MSRB3: variants seen among roughly 807,000 people sequenced by gnomAD.
MSRB3 encodes the protein methionine sulfoxide reductase B3.
Under a neutral mutation model 21.0 loss-of-function variants are expected in MSRB3, and 13 were observed. The observed-to-expected ratio is 0.62, with a 90% confidence interval of 0.40 to 0.98. The LOEUF (loss-of-function observed/expected upper bound fraction) is 0.98, where lower values mean the gene tolerates loss of function less well. Ranked by LOEUF, MSRB3 falls within the 50% of genes least tolerant of loss-of-function variation. The probability of loss-of-function intolerance (pLI) is 0.00; values close to 1 mark genes in which losing one functional copy is unlikely to be tolerated. For missense variants in MSRB3, 199 were observed against 230.3 expected, an observed-to-expected ratio of 0.86 and a Z score of 0.88; for synonymous variants, 87 against 88.6, an observed-to-expected ratio of 0.98 and a Z score of 0.10.
chr12:65,328,411 C>A, intron 3 of MSRB3, 115 bp from the exon 4 acceptor site: 1 of 730,050 alleles, frequency 1.4e-6, no homozygotes, highest in Non-Finnish European at 2.4e-6. Context: ...GGTTTGTTTT[C>A]ATTCTAGTAC....
At chr12:65,386,904 C>T (rs1879221648) in intron 5 of MSRB3, among the ~76,000 whole-genome samples, 1 of 151,940 alleles carries the variant, frequency 6.6e-6, no homozygotes, top group African/African-American at 2.4e-5. Context: ...GTAGCAAAGA[C>T]CTTTCATGTC....
At chr12:65,293,922 GT>G (rs1339821303) in intron 1 of MSRB3, among the ~76,000 whole-genome samples, 1 of 152,194 alleles carries the variant, frequency 6.6e-6, no homozygotes, top group African/African-American at 2.4e-5. Flanking sequence ...AAAAGTTTCA[GT>G]TTTCTGTAGG....
intron 4 of MSRB3, among the ~76,000 whole-genome samples, chr12:65,342,926 A>G (rs1876238147): frequency 6.6e-6 from 1 of 152,116 alleles, no homozygotes; most frequent in Non-Finnish European, 1.5e-5. Context: ...GTTTTGTACC[A>G]AATGTTAACA....
chr12:65,302,552 TTGAG>T (rs1449387348), intron 1 of MSRB3, among the ~76,000 whole-genome samples: 2 of 151,628 alleles, frequency 1.3e-5, no homozygotes, highest in Admixed American at 6.6e-5. Context: ...TATAGATGAA[TTGAG>T]TAAGTTAAAA....
At chr12:65,368,727 C>T (rs546910047) in intron 4 of MSRB3, among the ~76,000 whole-genome samples, 1 of 152,222 alleles carries the variant, frequency 6.6e-6, no homozygotes, top group East Asian at 1.9e-4. Context: ...TTTTAAAAAA[C>T]CGTATTGTAT....
At chr12:65,316,369 TG>T (rs1447995970) in intron 2 of MSRB3, 6 of 152,030 alleles carry the variant, frequency 3.9e-5, no homozygotes, top group Non-Finnish European at 5.9e-5. Flanking sequence ...GAAAAAAAGA[TG>T]GGGGTGGAAG....
chr12:65,379,291 A>G (rs1426261893), intron 5 of MSRB3, among the ~76,000 whole-genome samples: 2 of 152,156 alleles, frequency 1.3e-5, no homozygotes, highest in African/African-American at 4.8e-5. Flanking sequence ...ATATACTGCA[A>G]ATTCATTGCC....
At position 65,349,838 on chromosome 12, in the gene MSRB3, A is replaced by G. The variant is rs1170199246; in HGVS notation, c.264-19160A>G. On this transcript the variant is annotated intron_variant, in intron 4 of 6. Transcript: ENST00000308259. ...TTTGTCAGATAAGTAGGTTGCAAAAATTTTCTCCCGTTTTGTAGGTTGACT... is the reference window on the plus strand; with the variant it reads ...TTTGTCAGATAAGTAGGTTGCAAAAGTTTTCTCCCGTTTTGTAGGTTGACT... Among the ~76,000 whole-genome samples, 7 of 151,336 alleles carry G rather than the reference A, an allele frequency of 4.6e-5. No homozygotes were observed. The South Asian group carries it at 1.5e-3, about 32-fold the overall frequency.
intron 1 of MSRB3, chr12:65,279,346 C>T (rs1871864331): frequency 6.5e-6 from 1 of 152,752 alleles, no homozygotes; most frequent in African/African-American, 2.4e-5. Context: ...TCGCCGCGCG[C>T]CTCGGAGAGG....
At chr12:65,403,366 C>T (rs1020506196) in intron 5 of MSRB3, among the ~76,000 whole-genome samples, 5 of 152,192 alleles carry the variant, frequency 3.3e-5, no homozygotes, top group African/African-American at 1.2e-4. Flanking sequence ...GCGGTGGGCT[C>T]TGCCAAGTTT....
intron 1 of MSRB3, among the ~76,000 whole-genome samples, chr12:65,282,947 C>T (rs1211869947): frequency 6.6e-6 from 1 of 152,038 alleles, no homozygotes; most frequent in African/African-American, 2.4e-5. Context: ...GGTTATAGTC[C>T]TTAAAATGAA....
At chr12:65,325,134 T>C (rs1193269216) in intron 2 of MSRB3, among the ~76,000 whole-genome samples, 1 of 152,206 alleles carries the variant, frequency 6.6e-6, no homozygotes, top group Non-Finnish European at 1.5e-5. Context: ...CCTATCACTG[T>C]TGACTGATTA....
intron 5 of MSRB3, among the ~76,000 whole-genome samples, chr12:65,391,508 A>G (rs1879479746): frequency 6.6e-6 from 1 of 152,142 alleles, no homozygotes; most frequent in African/African-American, 2.4e-5. Flanking sequence ...TGTAGACTGA[A>G]ACTTATTATG....
intron 5 of MSRB3, among the ~76,000 whole-genome samples, chr12:65,372,297 C>A (rs1346890863): frequency 1.3e-5 from 2 of 152,150 alleles, no homozygotes; most frequent in African/African-American, 2.4e-5. Flanking sequence ...TAATTCTGAC[C>A]TGAGAACTCC....
At chr12:65,399,441 CA>C (rs1372513392) in intron 5 of MSRB3, among the ~76,000 whole-genome samples, 1 of 152,078 alleles carries the variant, frequency 6.6e-6, no homozygotes, top group Non-Finnish European at 1.5e-5. Context: ...GTGATTTTTG[CA>C]CATTGATTTT....
chr12:65,446,687 T>A (rs1389201830), intron 5 of MSRB3, among the ~76,000 whole-genome samples: 1 of 150,548 alleles, frequency 6.6e-6, no homozygotes, highest in Non-Finnish European at 1.5e-5. Context: ...AGAATTGGAG[T>A]GGGGTAGGGA....
At chr12:65,320,000 TA>T (rs1271948375) in intron 2 of MSRB3, among the ~76,000 whole-genome samples, 1 of 152,172 alleles carries the variant, frequency 6.6e-6, no homozygotes, top group African/African-American at 2.4e-5. Flanking sequence ...TATGCAGCAC[TA>T]AAACATATGG....
At chr12:65,402,470 C>A (rs1880184096) in intron 5 of MSRB3, among the ~76,000 whole-genome samples, 1 of 152,166 alleles carries the variant, frequency 6.6e-6, no homozygotes, top group Non-Finnish European at 1.5e-5. Flanking sequence ...ATCGGGGTCA[C>A]TTATGTTCTT....
rs200919152 is a variant in MSRB3, at chr12:65,331,031, A to G, written c.263+2428A>G. Among the ~76,000 whole-genome samples the G allele has an allele frequency of 2.6e-5, 4 of 152,366 alleles. No homozygotes were observed. The East Asian group carries it at 5.8e-4, about 22-fold the overall frequency. On this transcript the variant is annotated intron_variant, in intron 4 of 6. Coordinates refer to ENST00000308259, the MANE Select transcript of MSRB3 (RefSeq NM_001031679.3). ...AGTGAGGACTGGCTTTGTAAATTAT[A>G]TGGTGGACTTCATCTGCTCAGTGAT...
Sources: allele counts gnomAD v4.1 joint callset (sites outside exome capture counted in the v4.1 genomes callset), GRCh38; gene constraint gnomAD v4.1.1; transcripts MANE v1.5; gene names NCBI Gene and HGNC (gene_info 2026-07-23, HGNC 2026-07-21).